KLRG1: variants seen among roughly 807,000 people sequenced by gnomAD.
KLRG1 encodes killer cell lectin like receptor G1, also known as killer cell lectin-like receptor subfamily G member 1.
Under a neutral mutation model 21.8 loss-of-function variants are expected in KLRG1, and 16 were observed. The observed-to-expected ratio is 0.73, with a 90% confidence interval of 0.50 to 1.11. The LOEUF (loss-of-function observed/expected upper bound fraction) is 1.11. Ranked by LOEUF, KLRG1 falls within the 50% of genes most tolerant of loss-of-function variation. The pLI is 0.00. For synonymous variants in KLRG1, 69 were observed against 75.9 expected (o/e 0.91, Z 0.47); for missense variants, 173 against 218.3 (o/e 0.79, Z 1.31).
chr12:9,006,809 C>T (rs747581415), intron 3 of KLRG1, among the ~76,000 whole-genome samples: 4 of 152,276 alleles, frequency 2.6e-5, no homozygotes, highest in South Asian at 2.1e-4. Context: ...AAGAAGTTGA[C>T]GCTCAGCCAG....
chr12:9,127,020 C>T, the KLRG1 span, among the ~76,000 whole-genome samples: 10 of 152,176 alleles, frequency 6.6e-5, no homozygotes, highest in African/African-American at 1.9e-4. Flanking sequence ...TCTTTCTAGG[C>T]GGTCTGTCAT....
At chr12:9,074,079 C>T in the KLRG1 span, among the ~76,000 whole-genome samples, 2 of 108,250 alleles carry the variant, frequency 1.8e-5, no homozygotes, top group Non-Finnish European at 3.7e-5. Flanking sequence ...CAGAGCAAGA[C>T]TCTGTCTTAA....
At chr12:9,013,700 C>T (rs1947662174), downstream of KLRG1, among the ~76,000 whole-genome samples, 1 of 152,080 alleles carries the variant, frequency 6.6e-6, no homozygotes, top group Non-Finnish European at 1.5e-5. Context: ...GACTTATTCA[C>T]TATAATGAGA....
At chr12:9,089,338 G>T in the KLRG1 span, 3 of 953,538 alleles carry the variant, frequency 3.1e-6, no homozygotes, top group Middle Eastern at 2.1e-4. Flanking sequence ...TATTTGGATA[G>T]TGAAGAGAAG....
the KLRG1 span, among the ~76,000 whole-genome samples, chr12:9,163,465 G>A: frequency 6.6e-6 from 1 of 151,296 alleles, no homozygotes; most frequent in African/African-American, 2.4e-5. Context: ...AAAAAAAAAA[G>A]GAAATTGCAC....
chr12:9,164,744 A>T, the KLRG1 span, among the ~76,000 whole-genome samples: 1 of 152,230 alleles, frequency 6.6e-6, no homozygotes, highest in East Asian at 1.9e-4. Flanking sequence ...ATTTACAAAG[A>T]GATAAGTGCT....
chr12:9,157,818 G>A, the KLRG1 span: 1 of 1,613,936 alleles, frequency 6.2e-7, no homozygotes, highest in Non-Finnish European at 8.5e-7. Flanking sequence ...AGGCGGAGAG[G>A]GTCGCTTCAT....
chr12:9,200,479 G>A, the KLRG1 span: 3 of 1,489,398 alleles, frequency 2.0e-6, no homozygotes, highest in African/African-American at 2.8e-5. Flanking sequence ...AATAAGGAAG[G>A]TTGGTAAACA....
chr12:9,168,717 G>C, the KLRG1 span: 1 of 634,080 alleles, frequency 1.6e-6, no homozygotes, highest in Non-Finnish European at 2.7e-6. Flanking sequence ...GCTATCACCA[G>C]CTAAGTCACC....
At chr12:8,961,411 A>C (rs1426221029) in intron 1 of KLRG1, among the ~76,000 whole-genome samples, 2 of 151,970 alleles carry the variant, frequency 1.3e-5, no homozygotes, top group Non-Finnish European at 2.9e-5. Context: ...ATTTTTATTT[A>C]TTTATTTATT....
intron 1 of KLRG1, among the ~76,000 whole-genome samples, chr12:8,975,126 C>T (rs752411021): frequency 4.1e-4 from 62 of 152,210 alleles, no homozygotes; most frequent in African/African-American, 1.5e-3. Flanking sequence ...CCTCAAACTC[C>T]TGACCTCAAG....
At chr12:9,122,433 T>A in the KLRG1 span, among the ~76,000 whole-genome samples, 1 of 152,290 alleles carries the variant, frequency 6.6e-6, no homozygotes, top group Admixed American at 6.5e-5. Context: ...ACACTGGGGT[T>A]AAATTTTAAA....
intron 1 of KLRG1, among the ~76,000 whole-genome samples, chr12:8,951,246 A>G (rs2377671): frequency 0.72 from 109,486 of 151,838 alleles, 40,611 homozygotes; most frequent in Non-Finnish European, 0.81. Flanking sequence ...TCCGGGGCAG[A>G]AGGATCACTT....
chr12:9,002,946 T>C (rs904495125), intron 3 of KLRG1, among the ~76,000 whole-genome samples: 6 of 85,804 alleles, frequency 7.0e-5, no homozygotes, highest in Admixed American at 4.8e-4. Context: ...CACACACACA[T>C]TATCCATGAG....
At chr12:9,112,516 A>T in the KLRG1 span, 4 of 1,613,664 alleles carry the variant, frequency 2.5e-6, no homozygotes, top group South Asian at 4.4e-5. Flanking sequence ...TTACCTCCTC[A>T]TTGGATGAAG....
intron 3 of KLRG1, among the ~76,000 whole-genome samples, chr12:9,005,545 A>C (rs2137421064): frequency 6.6e-6 from 1 of 152,260 alleles, no homozygotes; most frequent in East Asian, 1.9e-4. Flanking sequence ...AAAAATGTTG[A>C]CCTCAGAACA....
intron 1 of KLRG1, among the ~76,000 whole-genome samples, chr12:8,951,076 A>C (rs1946193757): frequency 6.6e-6 from 1 of 152,202 alleles, no homozygotes; most frequent in Admixed American, 6.5e-5. Context: ...AAATGAAAGT[A>C]ATTTGTGATC....
intron 3 of KLRG1, among the ~76,000 whole-genome samples, chr12:8,995,548 G>A (rs1232160088): frequency 2.6e-5 from 4 of 152,086 alleles, no homozygotes; most frequent in Admixed American, 6.6e-5. Flanking sequence ...TGCTTGTATA[G>A]CATGTAAGTG....
the KLRG1 span, chr12:9,200,527 T>A: frequency 8.5e-7 from 1 of 1,171,914 alleles, no homozygotes; most frequent in Non-Finnish European, 1.2e-6. Context: ...ATGTCTATAA[T>A]TTTTCCCAAA....
Sources: gnomAD v4.1 joint callset for allele counts (sites outside exome capture counted in the v4.1 genomes callset) on GRCh38, gnomAD v4.1.1 for gene constraint, MANE v1.5 for transcripts, NCBI Gene and HGNC (gene_info 2026-07-23, HGNC 2026-07-21) for gene names.